The following ESR1 variants were observed in gnomAD, a reference collection of about 807,000 sequenced individuals.
ESR1 encodes estrogen receptor 1.
A neutral mutation model predicts 52.7 loss-of-function variants in ESR1; 12 were observed. That is an observed-to-expected ratio of 0.23 (90% CI 0.15 to 0.37). The LOEUF (loss-of-function observed/expected upper bound fraction) is 0.37. Ranked by LOEUF, ESR1 falls within the 10% of genes least tolerant of loss-of-function variation. The pLI is 1.00. For missense variants in ESR1, 584 were observed against 779.7 expected (o/e 0.75, Z 2.99); for synonymous variants, 305 against 316.8 (o/e 0.96, Z 0.39).
chr6:151,971,097 C>A (rs77522559), intron 4 of ESR1, among the ~76,000 whole-genome samples: 5,344 of 152,214 alleles, frequency 0.035, 299 homozygotes, highest in African/African-American at 0.12. Context: ...TTAATAGATG[C>A]CTCTTGGCTG....
At chr6:151,797,690 G>T (rs1776845168) in intron 2 of ESR1, among the ~76,000 whole-genome samples, 1 of 152,202 alleles carries the variant, frequency 6.6e-6, no homozygotes. Context: ...ATCCCTGCAG[G>T]GGGAGGAGGG....
intron 4 of ESR1, among the ~76,000 whole-genome samples, chr6:152,001,633 A>G (rs2041951991): frequency 6.6e-6 from 1 of 152,044 alleles, no homozygotes; most frequent in Non-Finnish European, 1.5e-5. Context: ...TGCTTGTAAA[A>G]GAATCCACCA....
At chr6:151,935,813 G>A (rs2034286845) in intron 3 of ESR1, among the ~76,000 whole-genome samples, 1 of 152,116 alleles carries the variant, frequency 6.6e-6, no homozygotes, top group Non-Finnish European at 1.5e-5. Context: ...TCTCTCCTTG[G>A]TCATCAGCTT....
intron 5 of ESR1, among the ~76,000 whole-genome samples, chr6:152,051,959 A>G (rs888108322): frequency 8.5e-5 from 13 of 152,142 alleles, no homozygotes; most frequent in Non-Finnish European, 1.8e-4. Context: ...GTGTTAGTCC[A>G]TTTTGTGCTG....
upstream of ESR1, among the ~76,000 whole-genome samples, chr6:151,806,785 C>T (rs1030895600): frequency 1.3e-5 from 2 of 151,822 alleles, no homozygotes; most frequent in Non-Finnish European, 2.9e-5. Flanking sequence ...AGCTTTGGTT[C>T]GTGACCTGAG....
At chr6:151,806,703 G>C (rs2128151824), upstream of ESR1, among the ~76,000 whole-genome samples, 1 of 151,938 alleles carries the variant, frequency 6.6e-6, no homozygotes, top group Middle Eastern at 3.4e-3. Context: ...TAGGACTAAA[G>C]GATAGACATG....
rs2050876258 is a variant in ESR1, at chr6:152,099,272, G to C, written c.*306G>C. ...AGCTGAACTCAGTCTATGGGTTGGG[G>C]CTCAGATAACTCTGTGCATTTAAGC... On this transcript the variant is annotated 3_prime_UTR_variant, in exon 8 of 8. Transcript: ENST00000206249. 1 of 475,176 alleles carries C rather than the reference G, an allele frequency of 2.1e-6. No homozygotes were observed. The highest frequency in any genetic ancestry group is 3.7e-5 in the East Asian group (1 of 26,836). 29.4% of individuals were successfully genotyped at this position (475,176 alleles called of 1,614,324 possible).
intron 1 of ESR1, among the ~76,000 whole-genome samples, chr6:151,830,504 G>GCTCT (rs151011860): frequency 1.3e-5 from 2 of 150,740 alleles, no homozygotes; most frequent in Admixed American, 6.6e-5. Context: ...TCAAATTGCA[G>GCTCT]CTCTCTCTCT....
At chr6:151,997,609 G>A (rs1454562041) in intron 4 of ESR1, among the ~76,000 whole-genome samples, 1 of 152,134 alleles carries the variant, frequency 6.6e-6, no homozygotes, top group Non-Finnish European at 1.5e-5. Context: ...ATGCAGAAAA[G>A]CTATGATTGC....
chr6:151,680,393 G>A (rs1251702731), intron 1 of ESR1, among the ~76,000 whole-genome samples: 1 of 151,860 alleles, frequency 6.6e-6, no homozygotes. Context: ...TAGTAGAGAC[G>A]GGGTTTTGCC....
chr6:151,677,891 G>T (rs1421127705), intron 1 of ESR1, among the ~76,000 whole-genome samples: 1 of 152,126 alleles, frequency 6.6e-6, no homozygotes, highest in African/African-American at 2.4e-5. Flanking sequence ...CTTCTCAGGG[G>T]TTATACTTCT....
chr6:152,067,659 C>G (rs1359974167), intron 6 of ESR1, among the ~76,000 whole-genome samples: 1 of 152,108 alleles, frequency 6.6e-6, no homozygotes, highest in Non-Finnish European at 1.5e-5. Context: ...AACCCCATCT[C>G]TACTAAAAAT....
intron 6 of ESR1, among the ~76,000 whole-genome samples, chr6:152,111,096 T>G (rs1430302598): frequency 6.6e-6 from 1 of 152,146 alleles, no homozygotes; most frequent in Admixed American, 6.5e-5. Flanking sequence ...TCTCAGCCTC[T>G]GACAGTTTCT....
rs2128155569 is a variant in ESR1, at chr6:151,807,995, G to A, written c.83G>A (p.Arg28His). The change falls in exon 1 of 8, where the codon CGT becomes CAT. Residue 28 changes from arginine (R) to histidine (H), a missense_variant. Arg to His is a conservative substitution (Grantham distance 29). Coordinates refer to ENST00000206249, the MANE Select transcript of ESR1 (RefSeq NM_000125.4). Reference sequence around the variant, plus strand: ...GGGAACGAGCTGGAGCCCCTGAACCGTCCGCAGCTCAAGATCCCCCTGGAG... The same window carrying A: ...GGGAACGAGCTGGAGCCCCTGAACCATCCGCAGCTCAAGATCCCCCTGGAG... ...IQGNELEPLN[R>H]PQLKIPLERP... The A allele has an allele frequency of 6.2e-7, 1 of 1,613,898 alleles. No individual in the cohort carries two copies. The highest frequency in any genetic ancestry group is 2.2e-5 in the East Asian group (1 of 44,834).
In ESR1 at chr6:152,055,773, T is replaced by C. The variant is rs76823814; in HGVS notation, c.1236-5218T>C. 6.1e-3 allele frequency among the ~76,000 whole-genome samples: 934 copies of C among 152,334 alleles called. 8 individuals carry two copies. The highest frequency in any genetic ancestry group is 0.021 in the African/African-American group (869 of 41,576). ...GCATGTAGCCTACCTGCCAAGTTCT[T>C]TCACAGCAGATATTTTGCAGTGTTG... On this transcript the variant is annotated intron_variant, in intron 5 of 7. Transcript: ENST00000206249.
intron 5 of ESR1, among the ~76,000 whole-genome samples, chr6:152,021,751 C>G (rs6914966): frequency 0.087 from 13,247 of 152,112 alleles, 1,802 homozygotes; most frequent in African/African-American, 0.29. Context: ...GTGGGAGGGA[C>G]CCGGTGGGAG....
chr6:151,957,374 C>G (rs1407613124), intron 4 of ESR1, among the ~76,000 whole-genome samples: 2 of 152,122 alleles, frequency 1.3e-5, no homozygotes, highest in Admixed American at 6.5e-5. Context: ...TGGAATTTTG[C>G]AAAACTAGGA....
chr6:151,848,848 C>G (rs1360096188), intron 2 of ESR1, among the ~76,000 whole-genome samples: 1 of 152,116 alleles, frequency 6.6e-6, no homozygotes, highest in African/African-American at 2.4e-5. Flanking sequence ...ATCTTACTCT[C>G]AAGAGAAAAA....
At chr6:152,093,141 G>A (rs1046878259) in intron 6 of ESR1, among the ~76,000 whole-genome samples, 10 of 152,080 alleles carry the variant, frequency 6.6e-5, no homozygotes, top group Non-Finnish European at 1.3e-4. Flanking sequence ...GCCGGGTGTG[G>A]TGGCAGGCTC....
Sources: allele counts gnomAD v4.1 joint callset (sites outside exome capture counted in the v4.1 genomes callset), GRCh38; gene constraint gnomAD v4.1.1; transcripts MANE v1.5; gene names NCBI Gene and HGNC (gene_info 2026-07-23, HGNC 2026-07-21).